The following FAM204A variants were observed in gnomAD, a reference collection of about 807,000 sequenced individuals.
FAM204A encodes family with sequence similarity 204 member A, also known as protein FAM204A.
In FAM204A, 16 loss-of-function variants were observed where a neutral mutation model predicts 35.4. The ratio of observed to expected loss-of-function variants is 0.45; its 90% CI spans 0.31 to 0.69. The LOEUF is 0.69. Ranked by LOEUF, FAM204A falls within the 30% of genes least tolerant of loss-of-function variation. The pLI is 0.07. For synonymous variants in FAM204A, 76 were observed against 86.9 expected, an observed-to-expected ratio of 0.88 and a Z score of 0.70; for missense variants, 240 against 265.7, an observed-to-expected ratio of 0.90 and a Z score of 0.67.
At position 118,302,486 on chromosome 10, in the gene FAM204A, T is replaced by C. The variant is rs893621420; in HGVS notation, c.*8371A>G. ...ATTGTTGGAGCCACTTCTGGTAATA[T>C]ATGAATTTCATAAAAATGTTTTCCA... On this transcript the variant is annotated 3_prime_UTR_variant, in exon 9 of 9. Transcript: ENST00000369183. The C allele has an allele frequency of 6.6e-6, 1 of 152,214 alleles. No individual in the cohort carries two copies. Among genetic ancestry groups the C allele is most frequent in the Non-Finnish European group, 1.5e-5 (1 of 68,038 alleles). The allele number at this position is 152,214 out of a possible 1,614,324, so 9.4% of individuals were successfully genotyped here. A position where few individuals can be genotyped will look rare whatever the true frequency, so the allele number is the denominator to read the frequency against.
chr10:118,338,805 C>A (rs1846427668), intron 2 of FAM204A, among the ~76,000 whole-genome samples: 1 of 152,212 alleles, frequency 6.6e-6, no homozygotes, highest in Non-Finnish European at 1.5e-5. Flanking sequence ...ATGCTCTGGG[C>A]ACCCAAACAT....
At position 118,298,233 on chromosome 10, in the gene FAM204A, C is replaced by G. The variant is rs1007704946; in HGVS notation, c.*12624G>C. On this transcript the variant is annotated 3_prime_UTR_variant, in exon 9 of 9. Transcript: ENST00000369183. ...TTGAATCTCTTCCTAGACAGGCCCCCTGAGCCAGACAGGAAATCCACTGGT... is the reference window on the plus strand; with the variant it reads ...TTGAATCTCTTCCTAGACAGGCCCCGTGAGCCAGACAGGAAATCCACTGGT... The G allele has an allele frequency of 6.6e-6, 1 of 152,206 alleles. No individual in the cohort carries two copies. Among genetic ancestry groups the G allele is most frequent in the Non-Finnish European group, 1.5e-5 (1 of 68,048 alleles). The allele number at this position is 152,206 out of a possible 1,614,324, so 9.4% of individuals were successfully genotyped here.
At chr10:118,328,443 G>C (rs1846233420) in intron 6 of FAM204A, among the ~76,000 whole-genome samples, 1 of 151,812 alleles carries the variant, frequency 6.6e-6, no homozygotes, top group African/African-American at 2.4e-5. Context: ...CTCTAGGCTG[G>C]CGGCCCAGCA....
chr10:118,308,504 C>T lies in FAM204A; in HGVS notation c.*2353G>A, dbSNP rs1376830265. The T allele has an allele frequency of 6.6e-6, 1 of 152,168 alleles. No individual in the cohort carries two copies. The highest frequency in any genetic ancestry group is 1.5e-5 in the Non-Finnish European group (1 of 68,042). The allele number at this position is 152,168 out of a possible 1,614,324, so 9.4% of individuals were successfully genotyped here. A position where few individuals can be genotyped will look rare whatever the true frequency, so the allele number is the denominator to read the frequency against. On this transcript the variant is annotated 3_prime_UTR_variant, in exon 9 of 9. Transcript: ENST00000369183. The stretch of plus-strand genomic sequence containing the variant: ...CAAATGACATGTCAGCAGGGCCAAT[C>T]CAAGACAACCTGTCCCCACAAATCT...
intron 6 of FAM204A, among the ~76,000 whole-genome samples, chr10:118,332,247 AT>A (rs1306117885): frequency 3.3e-5 from 5 of 151,642 alleles, no homozygotes; most frequent in African/African-American, 9.7e-5. Context: ...TTGGGACCAA[AT>A]GACTTGGGTT....
chr10:118,311,083 A>C, intron 8 of FAM204A, 124 bp downstream of exon 8: 1 of 1,045,652 alleles, frequency 9.6e-7, no homozygotes, highest in African/African-American at 1.6e-5. Context: ...AATCTGATAA[A>C]CATTCAACGA....
At chr10:118,330,068 G>A (rs990550258) in intron 6 of FAM204A, among the ~76,000 whole-genome samples, 30 of 152,258 alleles carry the variant, frequency 2.0e-4, no homozygotes, top group Admixed American at 1.1e-3. Flanking sequence ...AATAGTACCT[G>A]CACCTAGAAC....
At chr10:118,320,559 C>T (rs557974258) in intron 7 of FAM204A, among the ~76,000 whole-genome samples, 2 of 150,998 alleles carry the variant, frequency 1.3e-5, no homozygotes, top group South Asian at 2.1e-4. Flanking sequence ...TATACACATA[C>T]ACACACACAC....
In FAM204A at chr10:118,303,633, G is replaced by A. The variant is rs1845832363; in HGVS notation, c.*7224C>T. On this transcript the variant is annotated 3_prime_UTR_variant, in exon 9 of 9. Coordinates refer to ENST00000369183, the MANE Select transcript of FAM204A (RefSeq NM_022063.3). Reference sequence around the variant, plus strand: ...TTGAGACCACCTTGGCCAACATAGTGAAACCCTGTCTCTACTAAAAATACA... The same window carrying A: ...TTGAGACCACCTTGGCCAACATAGTAAAACCCTGTCTCTACTAAAAATACA... 1 of 152,350 alleles carries A rather than the reference G, an allele frequency of 6.6e-6. No homozygotes were observed. Among genetic ancestry groups the A allele is most frequent in the African/African-American group, 2.4e-5 (1 of 41,424 alleles). The allele number at this position is 152,350 out of a possible 1,614,324, so 9.4% of individuals were successfully genotyped here. A position where few individuals can be genotyped will look rare whatever the true frequency, so the allele number is the denominator to read the frequency against.
rs1289749565 is a variant in FAM204A at position 118,303,026 on chromosome 10, C to T, written c.*7831G>A. 2 of 152,222 alleles carry T rather than the reference C, an allele frequency of 1.3e-5. No individual in the cohort carries two copies. Among genetic ancestry groups the T allele is most frequent in the Non-Finnish European group, 2.9e-5 (2 of 68,048 alleles). The allele number at this position is 152,222 out of a possible 1,614,324, so 9.4% of individuals were successfully genotyped here. ...TGCTTGCAGGAGGGCATGGATCCCA[C>T]TTCAAGAACCACTGGAATGGGGTAG... On this transcript the variant is annotated 3_prime_UTR_variant, in exon 9 of 9. Coordinates refer to ENST00000369183, the MANE Select transcript of FAM204A (RefSeq NM_022063.3).
chr10:118,335,412 C>CAA lies in FAM204A; in HGVS notation c.336_337insTT (p.Glu113LeufsTer47). The stretch of plus-strand genomic sequence containing the variant: ...TCTACCTACCTATGTAATTCTTTTT[C>CAA]ATTCTTCAATTTATCTGAAAAGAAT... On this transcript the variant is annotated frameshift_variant, in exon 5 of 9. Transcript: ENST00000369183. LOFTEE classifies it high-confidence loss of function. 6.3e-7 allele frequency: 1 copy of CAA among 1,593,482 alleles called. No individual in the cohort carries two copies. Among genetic ancestry groups the CAA allele is most frequent in the Non-Finnish European group, 8.5e-7 (1 of 1,170,220 alleles).
At position 118,306,921 on chromosome 10, in the gene FAM204A, G is replaced by A. The variant is rs540190544; in HGVS notation, c.*3936C>T. 3 of 152,226 alleles carry A rather than the reference G, an allele frequency of 2.0e-5. No individual in the cohort carries two copies. The South Asian group carries it at 6.2e-4, about 32-fold the overall frequency. The allele number at this position is 152,226 out of a possible 1,614,324, so 9.4% of individuals were successfully genotyped here. ...TTTTAAAGCAAGCAGTGTGGAGGGA[G>A]GATGAAATAATAAAGATTAAAGAAT... On this transcript the variant is annotated 3_prime_UTR_variant, in exon 9 of 9. Coordinates refer to ENST00000369183, the MANE Select transcript of FAM204A (RefSeq NM_022063.3).
At chr10:118,313,123 C>T (rs1845978539) in intron 7 of FAM204A, among the ~76,000 whole-genome samples, 1 of 151,922 alleles carries the variant, frequency 6.6e-6, no homozygotes, top group South Asian at 2.1e-4. Context: ...AGTTCCTATC[C>T]ACTGAAAAAC....
In FAM204A at chr10:118,310,471, CAAG is replaced by C. The variant is rs1845932702; in HGVS notation, c.*383_*385del. On this transcript the variant is annotated 3_prime_UTR_variant, in exon 9 of 9. Transcript: ENST00000369183. ...CTGCACTCTAGCCTGGGTGACAGAG[CAAG>C]CGAGGCTCTGTCTCAAAAAAAAAAA... The C allele has an allele frequency of 1.2e-5, 2 of 170,020 alleles. No individual in the cohort carries two copies. Among genetic ancestry groups the C allele is most frequent in the Admixed American group, 1.4e-4 (2 of 14,270 alleles). 10.5% of individuals were successfully genotyped at this position (170,020 alleles called of 1,614,324 possible).
intron 2 of FAM204A, among the ~76,000 whole-genome samples, chr10:118,337,735 G>A (rs1846411033): frequency 6.6e-6 from 1 of 152,014 alleles, no homozygotes; most frequent in Non-Finnish European, 1.5e-5. Flanking sequence ...TGTAATGCAG[G>A]GATAATTATA....
In FAM204A at chr10:118,337,270, G is replaced by A. The variant is rs144932264; in HGVS notation, c.-8-847C>T. On this transcript the variant is annotated intron_variant, in intron 2 of 8. Coordinates refer to ENST00000369183, the MANE Select transcript of FAM204A (RefSeq NM_022063.3). ...CACAGTCTATTTTAGCACATATATT[G>A]AGCCAAAACCAGTTCCTTCAAAAGA... is the stretch of plus-strand genomic sequence containing the variant. The A allele has an allele frequency of 6.1e-6, 6 of 983,668 alleles. No individual in the cohort carries two copies. In the African/African-American group the frequency reaches 8.7e-5, roughly 14 times the overall value. 60.9% of individuals were successfully genotyped at this position (983,668 alleles called of 1,614,324 possible).
chr10:118,326,429 T>C, intron 6 of FAM204A, 186 bp from the exon 7 acceptor site: 1 of 550,888 alleles, frequency 1.8e-6, no homozygotes, highest in East Asian at 3.2e-5. Flanking sequence ...ATGGCTTACC[T>C]GAGGTCATGT....
intron 1 of FAM204A, 130 bp downstream of exon 1, chr10:118,342,140 G>A (rs975177321): frequency 5.9e-5 from 9 of 152,258 alleles, no homozygotes; most frequent in African/African-American, 2.2e-4. Flanking sequence ...AGCCTGCTCC[G>A]GGAGGCTCGG....
intron 2 of FAM204A, among the ~76,000 whole-genome samples, chr10:118,336,663 C>T (rs1846393957): frequency 6.6e-6 from 1 of 151,634 alleles, no homozygotes; most frequent in Non-Finnish European, 1.5e-5. Context: ...AAGTTTGTTA[C>T]AACATACACC....
Sources: allele counts gnomAD v4.1 joint callset (sites outside exome capture counted in the v4.1 genomes callset), GRCh38; gene constraint gnomAD v4.1.1; transcripts MANE v1.5; gene names NCBI Gene and HGNC (gene_info 2026-07-23, HGNC 2026-07-21).